The following AEBP2 variants were observed in gnomAD, a reference collection of about 807,000 sequenced individuals.
The protein encoded by AEBP2 is AE binding protein 2, also known as zinc finger protein AEBP2.
A neutral mutation model predicts 50.8 loss-of-function variants in AEBP2; 10 were observed. The observed-to-expected ratio is 0.20, with a 90% confidence interval of 0.12 to 0.33. The LOEUF (loss-of-function observed/expected upper bound fraction) is 0.33, where lower values mean the gene tolerates loss of function less well. AEBP2 is among the 10% of genes least tolerant of loss of function. AEBP2 has a pLI of 1.00. For missense variants in AEBP2, 570 were observed against 688.0 expected (o/e 0.83, Z 1.92); for synonymous variants, 296 against 261.3 (o/e 1.13, Z -1.28).
At chr12:19,443,537 A>C (rs1948001787) in intron 1 of AEBP2, among the ~76,000 whole-genome samples, 1 of 151,976 alleles carries the variant, frequency 6.6e-6, no homozygotes, top group Non-Finnish European at 1.5e-5. Context: ...CCTGGACAAC[A>C]TGGTGAAACC....
At chr12:19,412,772 T>C (rs2095740015) in intron 1 of AEBP2, among the ~76,000 whole-genome samples, 1 of 152,100 alleles carries the variant, frequency 6.6e-6, no homozygotes, top group Non-Finnish European at 1.5e-5. Flanking sequence ...CGTTCTTGGA[T>C]TTCGTGCAAG....
chr12:19,412,108 G>A (rs918276278), intron 1 of AEBP2, among the ~76,000 whole-genome samples: 1 of 152,218 alleles, frequency 6.6e-6, no homozygotes, highest in African/African-American at 2.4e-5. Flanking sequence ...CAGCAGGGCT[G>A]TATCTGTCCG....
intron 1 of AEBP2, among the ~76,000 whole-genome samples, chr12:19,415,096 G>T (rs2095741495): frequency 6.6e-6 from 1 of 150,640 alleles, no homozygotes; most frequent in Non-Finnish European, 1.5e-5. Flanking sequence ...GATCAGTTGA[G>T]GCCAGGAGTT....
At chr12:19,508,953 C>G (rs1378534609) in intron 5 of AEBP2, 16 of 467,542 alleles carry the variant, frequency 3.4e-5, no homozygotes, top group Admixed American at 1.8e-4. Context: ...AATACAGCCT[C>G]TAACAAAACA....
In AEBP2 at chr12:19,457,205, C is replaced by A; in HGVS notation, c.672-5305C>A. 11 of 1,597,984 alleles carry A rather than the reference C, an allele frequency of 6.9e-6. No individual in the cohort carries two copies. In the Admixed American group the frequency reaches 1.8e-4, roughly 27 times the overall value. ...ACACCGACAATTAGTTGTTTCACAC[C>A]CAGTGTGTAAGCCAAAAGGGCATGC... On this transcript the variant is annotated intron_variant, in intron 1 of 7. Transcript: ENST00000266508.
chr12:19,408,550 AAAAG>A (rs1161932346), intron 1 of AEBP2, among the ~76,000 whole-genome samples: 2 of 151,990 alleles, frequency 1.3e-5, no homozygotes, highest in African/African-American at 4.8e-5. Flanking sequence ...AAAAAAAAAA[AAAAG>A]AAAGCGTTTT....
At chr12:19,427,001 C>T (rs1464724176) in intron 1 of AEBP2, among the ~76,000 whole-genome samples, 2 of 152,146 alleles carry the variant, frequency 1.3e-5, no homozygotes, top group Non-Finnish European at 2.9e-5. Flanking sequence ...GATCTACACT[C>T]ATAAATGTGG....
At chr12:19,415,080 C>A (rs1017586487) in intron 1 of AEBP2, among the ~76,000 whole-genome samples, 4 of 150,592 alleles carry the variant, frequency 2.7e-5, no homozygotes, top group Non-Finnish European at 3.0e-5. Context: ...GAGACTGAGG[C>A]GGGTGGATCA....
chr12:19,439,606 A>C lies in AEBP2; in HGVS notation c.-94A>C. The C allele has an allele frequency of 7.0e-7, 1 of 1,431,264 alleles. No homozygotes were observed. Among genetic ancestry groups the C allele is most frequent in the Non-Finnish European group, 9.2e-7 (1 of 1,083,876 alleles). 88.7% of individuals were successfully genotyped at this position (1,431,264 alleles called of 1,614,324 possible). On this transcript the variant is annotated 5_prime_UTR_variant, in exon 1 of 8. Coordinates refer to ENST00000266508, the MANE Select transcript of AEBP2 (RefSeq NM_153207.5). ...TCCTGCTCTGCAGCGGCGTCGGCGG[A>C]GTTTTGGGCGTTTGGGAGGGGGGCG...
Position 19,518,519 on chromosome 12 carries a change from A to G in AEBP2, c.*402A>G, listed in dbSNP as rs1369322566. Reference sequence around the variant, plus strand: ...AACAATTACAACATGTGCCCTTACAAATACCAAAAGCACTGTAAGGATATT... The same window carrying G: ...AACAATTACAACATGTGCCCTTACAGATACCAAAAGCACTGTAAGGATATT... On this transcript the variant is annotated 3_prime_UTR_variant, in exon 8 of 8. Coordinates refer to ENST00000266508, the MANE Select transcript of AEBP2 (RefSeq NM_153207.5). The G allele has an allele frequency of 4.0e-6, 5 of 1,263,266 alleles. No homozygotes were observed. The African/African-American group carries it at 6.2e-5, about 16-fold the overall frequency. The allele number at this position is 1,263,266 out of a possible 1,614,324, so 78.3% of individuals were successfully genotyped here.
chr12:19,474,437 T>C (rs1948618028), intron 3 of AEBP2, among the ~76,000 whole-genome samples: 1 of 152,174 alleles, frequency 6.6e-6, no homozygotes, highest in Non-Finnish European at 1.5e-5. Flanking sequence ...GTTAAAACAT[T>C]ATAGCAAAGG....
At chr12:19,440,495 ACT>A (rs1947934336) in intron 1 of AEBP2, 125 bp downstream of exon 1, 1 of 1,390,930 alleles carries the variant, frequency 7.2e-7, no homozygotes, top group Non-Finnish European at 9.4e-7. Flanking sequence ...CCTCCCCCAG[ACT>A]CTCAACTCGG....
At chr12:19,407,616 C>CTTT (rs1259096350) in intron 1 of AEBP2, among the ~76,000 whole-genome samples, 1 of 151,914 alleles carries the variant, frequency 6.6e-6, no homozygotes, top group Admixed American at 6.6e-5. Context: ...TCTCTTTTTT[C>CTTT]TTTTTAGAGA....
At chr12:19,508,366 A>G (rs1363019994) in intron 5 of AEBP2, among the ~76,000 whole-genome samples, 2 of 152,134 alleles carry the variant, frequency 1.3e-5, no homozygotes, top group South Asian at 2.1e-4. Context: ...TGGCCTCACC[A>G]TAGGTTTTTA....
chr12:19,438,593 G>A (rs1318811599), upstream of AEBP2, among the ~76,000 whole-genome samples: 1 of 152,184 alleles, frequency 6.6e-6, no homozygotes, highest in Non-Finnish European at 1.5e-5. Context: ...ATTTGAAATA[G>A]ATTTGTTTTG....
At chr12:19,442,523 T>G (rs1947980633) in intron 1 of AEBP2, among the ~76,000 whole-genome samples, 1 of 152,248 alleles carries the variant, frequency 6.6e-6, no homozygotes, top group Admixed American at 6.5e-5. Flanking sequence ...AGTTGTGGCT[T>G]TTATTTGACA....
At position 19,454,136 on chromosome 12, in the gene AEBP2, C is replaced by T. The variant is rs569998778; in HGVS notation, c.672-8374C>T. On this transcript the variant is annotated intron_variant, in intron 1 of 7. Coordinates refer to ENST00000266508, the MANE Select transcript of AEBP2 (RefSeq NM_153207.5). ...CAACTCCTGAGCTCAAGCCGTTCGC[C>T]GCCTCTGCCTCTCAAAGTGCTGGGA... is the stretch of plus-strand genomic sequence containing the variant. 3.4e-4 allele frequency among the ~76,000 whole-genome samples: 51 copies of T among 152,220 alleles called. No homozygotes were observed. In the Middle Eastern group the frequency reaches 0.01, roughly 30 times the overall value.
intron 1 of AEBP2, chr12:19,456,938 C>A: frequency 1.3e-6 from 2 of 1,482,248 alleles, no homozygotes; most frequent in Middle Eastern, 1.8e-4. Flanking sequence ...AGGATGTAGT[C>A]CAGAGCCTCA....
intron 1 of AEBP2, among the ~76,000 whole-genome samples, chr12:19,452,996 C>T (rs1438054730): frequency 1.7e-5 from 2 of 117,636 alleles, no homozygotes; most frequent in South Asian, 2.6e-4. Context: ...GACGGAGTCT[C>T]GCTTTGTCGC....
Sources: gnomAD v4.1 joint callset for allele counts (sites outside exome capture counted in the v4.1 genomes callset) on GRCh38, gnomAD v4.1.1 for gene constraint, MANE v1.5 for transcripts, NCBI Gene and HGNC (gene_info 2026-07-23, HGNC 2026-07-21) for gene names.